Variants in SUPT20H observed in about 807,000 individuals in gnomAD.
The protein encoded by SUPT20H is transcription factor SPT20 homolog.
Under a neutral mutation model 122.8 loss-of-function variants are expected in SUPT20H, and 82 were observed. That is an observed-to-expected ratio of 0.67 (90% CI 0.56 to 0.80). SUPT20H has a LOEUF of 0.80. Ranked by LOEUF, SUPT20H falls within the 30% of genes least tolerant of loss-of-function variation. The pLI is 0.00. For synonymous variants in SUPT20H, 291 were observed against 313.0 expected, an observed-to-expected ratio of 0.93 and a Z score of 0.74; for missense variants, 831 against 921.6, an observed-to-expected ratio of 0.90 and a Z score of 1.27.
In SUPT20H at chr13:37,028,206, C is replaced by T; in HGVS notation, c.1093G>A (p.Gly365Ser). ...LQSLGDPLYY[G>S]KIQPCKADEE... is the part of the protein sequence containing the mutation. ...TCTGCTTTACATGGCTGTATTTTAC[C>T]ATAGTAAAGTGGATCTCCAAGCGAC... The change falls in exon 14 of 26, where the codon GGT becomes AGT. Residue 365 changes from glycine (G) to serine (S), a missense_variant. Transcript: ENST00000350612. 1 of 1,612,386 alleles carries T rather than the reference C, an allele frequency of 6.2e-7. No homozygotes were observed. Among genetic ancestry groups the T allele is most frequent in the Non-Finnish European group, 8.5e-7 (1 of 1,179,234 alleles).
chr13:37,029,442 T>C (rs2062908137), intron 13 of SUPT20H, among the ~76,000 whole-genome samples: 1 of 152,012 alleles, frequency 6.6e-6, no homozygotes, highest in Non-Finnish European at 1.5e-5. Context: ...GGCAGGAGAA[T>C]TGCTTGGACC....
intron 1 of SUPT20H, among the ~76,000 whole-genome samples, chr13:37,056,038 A>G (rs2068923814): frequency 1.3e-5 from 2 of 152,384 alleles, no homozygotes; most frequent in South Asian, 4.1e-4. Context: ...TGGCCATCAG[A>G]GAAATGCAAA....
Position 37,033,729 on chromosome 13 carries a change from G to A in SUPT20H, c.568-141C>T, listed in dbSNP as rs112224000. ...TATGGTATTTCAAGTTCCAATGTTAGTGTGCATGTAAACTTTTAGAAACCA... is the reference window on the plus strand; with the variant it reads ...TATGGTATTTCAAGTTCCAATGTTAATGTGCATGTAAACTTTTAGAAACCA... On this transcript the variant is annotated intron_variant, in intron 9 of 25. Transcript: ENST00000350612. 4.7e-3 allele frequency: 4,344 copies of A among 917,166 alleles called. 128 individuals are homozygous for A. In the African/African-American group the frequency reaches 0.066, roughly 14 times the overall value. 56.8% of individuals were successfully genotyped at this position (917,166 alleles called of 1,614,324 possible).
At chr13:37,010,261 A>T (rs537089314) in intron 25 of SUPT20H, among the ~76,000 whole-genome samples, 4 of 152,246 alleles carry the variant, frequency 2.6e-5, no homozygotes, top group African/African-American at 4.8e-5. Context: ...GAAAGTTAAC[A>T]ATTGGCACTT....
intron 23 of SUPT20H, among the ~76,000 whole-genome samples, chr13:37,015,275 A>C (rs2060250472): frequency 1.3e-5 from 2 of 151,898 alleles, no homozygotes; most frequent in South Asian, 4.1e-4. Flanking sequence ...GTGTATATGA[A>C]GAATGAAGAA....
chr13:37,040,081 G>GAAA (rs11436760), intron 9 of SUPT20H: 2,029 of 176,398 alleles, frequency 0.012, 9 homozygotes, highest in East Asian at 0.03. Context: ...TGAATTATTT[G>GAAA]AAAAAAAAAA....
chr13:37,037,230 G>A (rs1436691733), intron 9 of SUPT20H, among the ~76,000 whole-genome samples: 1 of 149,870 alleles, frequency 6.7e-6, no homozygotes, highest in South Asian at 2.1e-4. Flanking sequence ...AGGCTTCCCA[G>A]CCAACAGTAG....
chr13:37,023,916 C>T (rs2139596524), intron 19 of SUPT20H, 119 bp downstream of exon 19: 4 of 976,064 alleles, frequency 4.1e-6, no homozygotes, highest in East Asian at 5.4e-5. Context: ...GCAACTTATA[C>T]ATTTTGGGTA....
At chr13:37,053,143 G>C (rs898753887) in intron 1 of SUPT20H, among the ~76,000 whole-genome samples, 1 of 152,064 alleles carries the variant, frequency 6.6e-6, no homozygotes, top group Non-Finnish European at 1.5e-5. Flanking sequence ...CAGAAATACT[G>C]TTTGACCCAG....
At chr13:37,036,161 C>T (rs567802220) in intron 9 of SUPT20H, among the ~76,000 whole-genome samples, 1 of 152,110 alleles carries the variant, frequency 6.6e-6, no homozygotes, top group African/African-American at 2.4e-5. Flanking sequence ...ATTATGACTC[C>T]CTAAAGGTTC....
Position 37,047,564 on chromosome 13 carries a change from C to A in SUPT20H, c.136G>T (p.Glu46Ter). ...ACTTCAGGTTCTTTTTCACATTCTT[C>A]AATATACAAGTCATAAAGTTTTTGA... ...VFQKLYDLYI[E>*]ECEKEPEVKK... Residue 46 changes from glutamate (E) to a stop codon, truncating the protein, a stop_gained, in exon 5 of 26, where the codon GAA becomes TAA. Coordinates refer to ENST00000350612, the MANE Select transcript of SUPT20H (RefSeq NM_001014286.3). LOFTEE classifies it high-confidence loss of function. 1 of 1,434,650 alleles carries A rather than the reference C, an allele frequency of 7.0e-7. No homozygotes were observed. The highest frequency in any genetic ancestry group is 1.5e-5 in the African/African-American group (1 of 68,104). The allele number at this position is 1,434,650 out of a possible 1,614,324, so 88.9% of individuals were successfully genotyped here.
chr13:37,014,150 CAAG>C (rs1343137748), intron 23 of SUPT20H, among the ~76,000 whole-genome samples: 2 of 151,844 alleles, frequency 1.3e-5, no homozygotes, highest in East Asian at 3.9e-4. Flanking sequence ...AAGAAAGAAA[CAAG>C]AAATATTACC....
intron 12 of SUPT20H, among the ~76,000 whole-genome samples, 171 bp downstream of exon 12, chr13:37,031,396 T>C (rs2063299010): frequency 6.6e-6 from 1 of 152,150 alleles, no homozygotes; most frequent in Non-Finnish European, 1.5e-5. Context: ...AAATCATTTT[T>C]CGATGTTTTT....
intron 1 of SUPT20H, among the ~76,000 whole-genome samples, chr13:37,052,451 T>C (rs1394007798): frequency 1.3e-5 from 2 of 152,166 alleles, no homozygotes; most frequent in Non-Finnish European, 2.9e-5. Flanking sequence ...TAAATGGCCC[T>C]GGGAAGACTG....
At chr13:37,017,147 A>C (rs974066760) in intron 23 of SUPT20H, 98 bp downstream of exon 23, 48 of 1,531,704 alleles carry the variant, frequency 3.1e-5, no homozygotes, top group Non-Finnish European at 3.9e-5. Flanking sequence ...AGTACAGGAA[A>C]TGTTTACACT....
At chr13:37,037,288 T>C (rs1345056922) in intron 9 of SUPT20H, among the ~76,000 whole-genome samples, 1 of 152,186 alleles carries the variant, frequency 6.6e-6, no homozygotes, top group East Asian at 1.9e-4. Flanking sequence ...ACATGGGTTT[T>C]TGACTGCACA....
At chr13:37,037,167 A>C (rs1308929189) in intron 9 of SUPT20H, among the ~76,000 whole-genome samples, 1 of 149,270 alleles carries the variant, frequency 6.7e-6, no homozygotes, top group Non-Finnish European at 1.5e-5. Context: ...AATGCACTGC[A>C]ACCTGAGTTG....
Position 37,009,770 on chromosome 13 carries a change from C to T in SUPT20H, c.2242G>A (p.Ala748Thr). The T allele has an allele frequency of 6.2e-7, 1 of 1,613,562 alleles. No individual in the cohort carries two copies. Among genetic ancestry groups the T allele is most frequent in the Non-Finnish European group, 8.5e-7 (1 of 1,179,876 alleles). ...TGTAGCTGAGCTGTTTGTGCTGCTG[C>T]TGCTGCCATAGCCATTTGATGCTGC... Reference protein sequence around the residue: ...FLQHQMAMAAAAAQTAQLHHH... With the variant: ...FLQHQMAMAATAAQTAQLHHH... Residue 748 changes from alanine to threonine, a missense_variant, in exon 26 of 26, where the codon GCA (alanine) becomes ACA (threonine). Transcript: ENST00000350612.
At chr13:37,012,014 A>T (rs2059703461) in intron 24 of SUPT20H, among the ~76,000 whole-genome samples, 178 bp downstream of exon 24, 1 of 152,160 alleles carries the variant, frequency 6.6e-6, no homozygotes, top group East Asian at 1.9e-4. Flanking sequence ...CTCTTAATCC[A>T]CTATCAATGA....
Sources: allele counts gnomAD v4.1 joint callset (sites outside exome capture counted in the v4.1 genomes callset), GRCh38; gene constraint gnomAD v4.1.1; transcripts MANE v1.5; gene names NCBI Gene and HGNC (gene_info 2026-07-23, HGNC 2026-07-21).